Variants in AMPH observed in about 807,000 individuals in gnomAD.
AMPH encodes the protein amphiphysin.
Under a neutral mutation model 99.1 loss-of-function variants are expected in AMPH, and 49 were observed. That is an observed-to-expected ratio of 0.49 (90% CI 0.39 to 0.63). AMPH has a LOEUF of 0.63. Among genes scored for constraint, AMPH ranks in the 20% least tolerant of loss-of-function variants. The probability of loss-of-function intolerance (pLI) is 0.00; values close to 1 mark genes in which losing one functional copy is unlikely to be tolerated. For synonymous variants in AMPH, 314 were observed against 317.3 expected (o/e 0.99, Z 0.11); for missense variants, 759 against 863.4 (o/e 0.88, Z 1.52).
chr7:38,479,702 T>A (rs1788219364), intron 5 of AMPH, among the ~76,000 whole-genome samples: 1 of 152,096 alleles, frequency 6.6e-6, no homozygotes, highest in Admixed American at 6.6e-5. Flanking sequence ...TTAAACCTAA[T>A]ATGTTAAAGA....
chr7:38,438,471 C>T (rs1247608072), intron 11 of AMPH, among the ~76,000 whole-genome samples: 2 of 152,160 alleles, frequency 1.3e-5, no homozygotes, highest in African/African-American at 2.4e-5. Flanking sequence ...ATGCCCCAGA[C>T]CCAAGTTTCT....
At chr7:38,609,862 C>T (rs2129064992) in intron 1 of AMPH, among the ~76,000 whole-genome samples, 1 of 152,134 alleles carries the variant, frequency 6.6e-6, no homozygotes, top group South Asian at 2.1e-4. Flanking sequence ...ATCATTAATT[C>T]ATCCAGTCCA....
At chr7:38,524,384 T>C (rs1260221889) in intron 2 of AMPH, among the ~76,000 whole-genome samples, 1 of 152,254 alleles carries the variant, frequency 6.6e-6, no homozygotes, top group Non-Finnish European at 1.5e-5. Context: ...AATTAGGGCA[T>C]ATGTTGCAAA....
At chr7:38,616,544 G>T (rs534220806) in intron 1 of AMPH, among the ~76,000 whole-genome samples, 3 of 152,126 alleles carry the variant, frequency 2.0e-5, no homozygotes, top group Non-Finnish European at 4.4e-5. Flanking sequence ...TATAAGATGT[G>T]TTCAGCTGCC....
At chr7:38,527,367 A>G (rs1191894030) in intron 2 of AMPH, among the ~76,000 whole-genome samples, 1 of 152,232 alleles carries the variant, frequency 6.6e-6, no homozygotes, top group African/African-American at 2.4e-5. Context: ...TACTGTGTTG[A>G]GGCTTCAAAT....
At position 38,461,303 on chromosome 7, in the gene AMPH, T is replaced by A. The variant is rs1787432629; in HGVS notation, c.997A>T (p.Ser333Cys). The change falls in exon 11 of 21, where the codon AGT (serine) becomes TGT (cysteine). Residue 333 changes from serine (S) to cysteine (C), a missense_variant. Coordinates refer to ENST00000356264, the MANE Select transcript of AMPH (RefSeq NM_001635.4). The part of the protein sequence containing the change: ...FFEDNFVPEI[S>C]VTTPSQNEVP... ...CTTACCTGGGAAGGTGTTGTCACAC[T>A]GATTTCTGGAACAAAGTTGTCCTCA... is the stretch of plus-strand genomic sequence containing the variant. 1 of 1,613,918 alleles carries A rather than the reference T, an allele frequency of 6.2e-7. No homozygotes were observed. The highest frequency in any genetic ancestry group is 1.3e-5 in the African/African-American group (1 of 74,932).
intron 1 of AMPH, among the ~76,000 whole-genome samples, chr7:38,598,966 C>T (rs1312764558): frequency 6.6e-6 from 1 of 151,902 alleles, no homozygotes; most frequent in African/African-American, 2.4e-5. Context: ...CTGCTTTTTC[C>T]CTGAATATAG....
At chr7:38,453,905 G>A (rs1358348154) in intron 11 of AMPH, among the ~76,000 whole-genome samples, 1 of 152,194 alleles carries the variant, frequency 6.6e-6, no homozygotes, top group Admixed American at 6.5e-5. Flanking sequence ...ATGAAGCTGG[G>A]CAGTAGCAAA....
chr7:38,565,081 G>GAA (rs1791687337), intron 1 of AMPH, among the ~76,000 whole-genome samples: 5 of 148,596 alleles, frequency 3.4e-5, no homozygotes, highest in South Asian at 2.1e-4. Flanking sequence ...CCGAGATCGT[G>GAA]CCACTGCACT....
At chr7:38,507,244 A>G (rs1034183401) in intron 2 of AMPH, among the ~76,000 whole-genome samples, 3 of 152,218 alleles carry the variant, frequency 2.0e-5, no homozygotes, top group Non-Finnish European at 2.9e-5. Flanking sequence ...GATTTTTTAT[A>G]TAAGAGTGGA....
intron 1 of AMPH, among the ~76,000 whole-genome samples, chr7:38,543,496 T>C (rs1371365007): frequency 6.6e-6 from 1 of 152,230 alleles, no homozygotes; most frequent in Admixed American, 6.5e-5. Context: ...AAATCTATAA[T>C]TCTCTAATTT....
At chr7:38,386,921 A>T (rs1784364935) in intron 20 of AMPH, among the ~76,000 whole-genome samples, 1 of 152,358 alleles carries the variant, frequency 6.6e-6, no homozygotes, top group East Asian at 1.9e-4. Flanking sequence ...CATTCACAGC[A>T]TAGAGTGTAA....
At chr7:38,532,499 G>A (rs1790440247) in intron 2 of AMPH, among the ~76,000 whole-genome samples, 1 of 152,006 alleles carries the variant, frequency 6.6e-6, no homozygotes, top group Non-Finnish European at 1.5e-5. Flanking sequence ...ATATTTCTTG[G>A]GAGAACTAAG....
chr7:38,616,575 C>A (rs539537707), intron 1 of AMPH, among the ~76,000 whole-genome samples: 1 of 152,240 alleles, frequency 6.6e-6, no homozygotes, highest in South Asian at 2.1e-4. Context: ...TAGCCTAATA[C>A]TGGAAACAGA....
At chr7:38,443,711 C>T (rs1420375991) in intron 11 of AMPH, among the ~76,000 whole-genome samples, 1 of 151,496 alleles carries the variant, frequency 6.6e-6, no homozygotes, top group Non-Finnish European at 1.5e-5. Context: ...TGATAAAAGC[C>T]ATCTAATAAA....
chr7:38,540,358 C>G (rs1309868437), intron 1 of AMPH, among the ~76,000 whole-genome samples: 1 of 152,084 alleles, frequency 6.6e-6, no homozygotes, highest in Non-Finnish European at 1.5e-5. Flanking sequence ...GAGATTCTGA[C>G]ATATTCTGTT....
intron 16 of AMPH, among the ~76,000 whole-genome samples, chr7:38,419,079 A>C (rs1785495620): frequency 6.6e-6 from 1 of 152,000 alleles, no homozygotes; most frequent in African/African-American, 2.4e-5. Flanking sequence ...AGAACACTTA[A>C]ACTAAAAAAA....
chr7:38,580,694 TGATGATGAC>T (rs1303862284), intron 1 of AMPH, among the ~76,000 whole-genome samples: 2 of 130,554 alleles, frequency 1.5e-5, no homozygotes, highest in Admixed American at 7.5e-5. Context: ...ATGATGATGA[TGATGATGAC>T]GATGACGATA....
At chr7:38,388,730 C>T (rs1022017177) in intron 20 of AMPH, among the ~76,000 whole-genome samples, 3 of 151,906 alleles carry the variant, frequency 2.0e-5, no homozygotes, top group Middle Eastern at 3.2e-3. Context: ...GCCTTGAATT[C>T]CTGGGCTCAA....
Sources: gnomAD v4.1 joint callset for allele counts (sites outside exome capture counted in the v4.1 genomes callset) on GRCh38, gnomAD v4.1.1 for gene constraint, MANE v1.5 for transcripts, NCBI Gene and HGNC (gene_info 2026-07-23, HGNC 2026-07-21) for gene names.